Variants in LRRC3C observed in about 807,000 individuals in gnomAD.
LRRC3C encodes the protein leucine-rich repeat-containing protein 3C.
In LRRC3C, 11 loss-of-function variants were observed where a neutral mutation model predicts 14.8. The ratio of observed to expected loss-of-function variants is 0.74; its 90% confidence interval spans 0.47 to 1.23. The LOEUF is 1.23. Ranked by LOEUF, LRRC3C falls within the 50% of genes most tolerant of loss-of-function variation. The probability of loss-of-function intolerance (pLI) is 0.00; values close to 1 mark genes in which losing one functional copy is unlikely to be tolerated. For missense variants in LRRC3C, 354 were observed against 361.8 expected, an observed-to-expected ratio of 0.98 and a Z score of 0.18; for synonymous variants, 149 against 161.5, an observed-to-expected ratio of 0.92 and a Z score of 0.59.
At chr17:39,935,383 A>G (rs368912957) in intron 1 of LRRC3C, among the ~76,000 whole-genome samples, 10 of 151,196 alleles carry the variant, frequency 6.6e-5, no homozygotes, top group East Asian at 3.9e-4. Context: ...GGATCCCTCA[A>G]CCCAAGCCTT....
Position 39,944,236 on chromosome 17 carries a change from G to A in LRRC3C, c.330G>A (p.Leu110=). 2 of 1,535,580 alleles carry A rather than the reference G, an allele frequency of 1.3e-6. No individual in the cohort carries two copies. The highest frequency in any genetic ancestry group is 8.7e-7 in the Non-Finnish European group (1 of 1,146,646). Residue 110 remains leucine, a synonymous_variant, in exon 4 of 4, where the codon CTG becomes CTA. Coordinates refer to ENST00000377924, the MANE Select transcript of LRRC3C (RefSeq NM_001195545.2). ...TGCCTGTCCTGGAGGAGTTGGATCT[G>A]TCCCATAATGCCCTTGCCCACCTCT... The part of the protein sequence containing the change: ...QHLPVLEELD[L]SHNALAHLSG...
At chr17:39,941,618 C>A in intron 3 of LRRC3C, 69 bp downstream of exon 3, 2 of 1,403,402 alleles carry the variant, frequency 1.4e-6, no homozygotes, top group South Asian at 1.2e-5. Context: ...TCTGACCTGG[C>A]AGGAGGGCTT....
chr17:39,942,368 C>A (rs1406987113), intron 3 of LRRC3C, among the ~76,000 whole-genome samples: 4 of 152,146 alleles, frequency 2.6e-5, no homozygotes, highest in Non-Finnish European at 5.9e-5. Flanking sequence ...GCGTGGCCTG[C>A]AAATGATGCC....
At chr17:39,929,792 GA>G (rs1415630938) in intron 1 of LRRC3C, among the ~76,000 whole-genome samples, 1 of 152,068 alleles carries the variant, frequency 6.6e-6, no homozygotes, top group Admixed American at 6.6e-5. Context: ...AAATGCCCAA[GA>G]AAAAAATTAC....
chr17:39,944,485 G>A lies in LRRC3C; in HGVS notation c.579G>A (p.Pro193=), dbSNP rs190950285. The change falls in exon 4 of 4, where the codon CCG becomes CCA. Residue 193 remains proline (P), a synonymous_variant. Transcript: ENST00000377924. ...TCGTGTGTGGCTCAGGAGCCCGACCGGACCTCGTGGGGCAGGAGTTCCTGC... is the reference window on the plus strand; with the variant it reads ...TCGTGTGTGGCTCAGGAGCCCGACCAGACCTCGTGGGGCAGGAGTTCCTGC... ...TGIVCGSGAR[P]DLVGQEFLLL... is the part of the protein sequence containing the mutation. The A allele has an allele frequency of 1.7e-4, 249 of 1,487,562 alleles. 1 individual carries two copies. The East Asian group carries it at 3.3e-3, about 19-fold the overall frequency. The allele number at this position is 1,487,562 out of a possible 1,614,324, so 92.1% of individuals were successfully genotyped here.
chr17:39,942,868 G>A (rs1341086903), intron 3 of LRRC3C, among the ~76,000 whole-genome samples: 1 of 152,172 alleles, frequency 6.6e-6, no homozygotes, highest in Non-Finnish European at 1.5e-5. Context: ...GTGAGATGGG[G>A]CCCACCCAGT....
At chr17:39,934,186 T>C (rs1276213154) in intron 1 of LRRC3C, among the ~76,000 whole-genome samples, 2 of 152,198 alleles carry the variant, frequency 1.3e-5, no homozygotes, top group African/African-American at 4.8e-5. Flanking sequence ...AGCCTGTGCC[T>C]GGGAACAAGA....
rs112465826 is a variant in LRRC3C at position 39,933,985 on chromosome 17, G to A, written c.-174-1817G>A. Among the ~76,000 whole-genome samples, 830 of 152,368 alleles carry A rather than the reference G, an allele frequency of 5.4e-3. 11 individuals are homozygous for A. The highest frequency in any genetic ancestry group is 0.019 in the African/African-American group (803 of 41,592). The stretch of plus-strand genomic sequence containing the variant: ...AGGGGGAGGGGAAGGCAGATGTTAA[G>A]CAGACAAAGGAGCAGCGAATGACCC... On this transcript the variant is annotated intron_variant, in intron 1 of 3. Coordinates refer to ENST00000377924, the MANE Select transcript of LRRC3C (RefSeq NM_001195545.2).
At chr17:39,941,670 C>A in intron 3 of LRRC3C, 121 bp downstream of exon 3, 1 of 857,832 alleles carries the variant, frequency 1.2e-6, no homozygotes, top group South Asian at 1.5e-5. Context: ...CCATCAGGCT[C>A]AACGTGCAAG....
At chr17:39,934,658 C>A (rs1266562352) in intron 1 of LRRC3C, 3 of 152,176 alleles carry the variant, frequency 2.0e-5, no homozygotes, top group Admixed American at 2.0e-4. Context: ...GGAACTGTTA[C>A]CAGAAAGGGG....
At chr17:39,936,455 A>G (rs953844591) in intron 2 of LRRC3C, among the ~76,000 whole-genome samples, 1 of 152,078 alleles carries the variant, frequency 6.6e-6, no homozygotes, top group Non-Finnish European at 1.5e-5. Context: ...CCTGCCACCA[A>G]TACATCCCCG....
At position 39,935,821 on chromosome 17, in the gene LRRC3C, C is replaced by A; in HGVS notation, c.-155C>A. 5 of 985,416 alleles carry A rather than the reference C, an allele frequency of 5.1e-6. No homozygotes were observed. Among genetic ancestry groups the A allele is most frequent in the Non-Finnish European group, 6.0e-6 (5 of 829,932 alleles). The allele number at this position is 985,416 out of a possible 1,614,324, so 61.0% of individuals were successfully genotyped here. ...CTACAGGGAACAACAATAGCAGAGGCCTTTGTTGCCCTCTCCGCGAAACTG... is the reference window on the plus strand; with the variant it reads ...CTACAGGGAACAACAATAGCAGAGGACTTTGTTGCCCTCTCCGCGAAACTG... On this transcript the variant is annotated 5_prime_UTR_variant, in exon 2 of 4. Coordinates refer to ENST00000377924, the MANE Select transcript of LRRC3C (RefSeq NM_001195545.2).
At chr17:39,932,608 G>C (rs1978681030) in intron 1 of LRRC3C, among the ~76,000 whole-genome samples, 1 of 147,090 alleles carries the variant, frequency 6.8e-6, no homozygotes, top group African/African-American at 2.5e-5. Context: ...CGTAGTCCCA[G>C]CTACTCAGGA....
At chr17:39,938,807 G>A (rs1024930447) in intron 2 of LRRC3C, among the ~76,000 whole-genome samples, 1 of 152,108 alleles carries the variant, frequency 6.6e-6, no homozygotes, top group African/African-American at 2.4e-5. Context: ...CCAACATGGC[G>A]AAACCTCATC....
chr17:39,935,507 G>T (rs2144761840), intron 1 of LRRC3C, among the ~76,000 whole-genome samples: 1 of 152,268 alleles, frequency 6.6e-6, no homozygotes, highest in African/African-American at 2.4e-5. Flanking sequence ...ACAAAAGTTA[G>T]CTGGGTGTGG....
At chr17:39,931,433 G>C (rs1276027639) in intron 1 of LRRC3C, among the ~76,000 whole-genome samples, 1 of 115,302 alleles carries the variant, frequency 8.7e-6, no homozygotes, top group Non-Finnish European at 1.7e-5. Flanking sequence ...GTGACAGAGA[G>C]AGACTTCGTC....
At chr17:39,938,894 G>A (rs981254400) in intron 2 of LRRC3C, among the ~76,000 whole-genome samples, 13 of 152,024 alleles carry the variant, frequency 8.6e-5, no homozygotes, top group Admixed American at 3.3e-4. Context: ...GCTGAGGCAG[G>A]AGAATCACTT....
rs1767486480 is a variant in LRRC3C at position 39,944,475 on chromosome 17, G to A, written c.569G>A (p.Gly190Glu). The A allele has an allele frequency of 6.7e-7, 1 of 1,486,582 alleles. No individual in the cohort carries two copies. The highest frequency in any genetic ancestry group is 2.1e-5 in the Admixed American group (1 of 46,732). The allele number at this position is 1,486,582 out of a possible 1,614,324, so 92.1% of individuals were successfully genotyped here. A position where few individuals can be genotyped will look rare whatever the true frequency, so the allele number is the denominator to read the frequency against. The change falls in exon 4 of 4, where the codon GGA becomes GAA. Residue 190 changes from glycine (G) to glutamate (E), a missense_variant. Coordinates refer to ENST00000377924, the MANE Select transcript of LRRC3C (RefSeq NM_001195545.2). ...GTGTGIVCGSGARPDLVGQEF... is the reference protein window; with the variant it reads ...GTGTGIVCGSEARPDLVGQEF... Reference sequence around the variant, plus strand: ...GGGACAGGCATCGTGTGTGGCTCAGGAGCCCGACCGGACCTCGTGGGGCAG... The same window carrying A: ...GGGACAGGCATCGTGTGTGGCTCAGAAGCCCGACCGGACCTCGTGGGGCAG...
chr17:39,943,795 C>A (rs1340732685), intron 3 of LRRC3C, 138 bp from the exon 4 acceptor site: 9 of 746,350 alleles, frequency 1.2e-5, no homozygotes, highest in Non-Finnish European at 1.9e-5. Context: ...AAAAGTCACC[C>A]AGGCTTGAGA....
Sources: gnomAD v4.1 joint callset for allele counts (sites outside exome capture counted in the v4.1 genomes callset) on GRCh38, gnomAD v4.1.1 for gene constraint, MANE v1.5 for transcripts, NCBI Gene and HGNC (gene_info 2026-07-23, HGNC 2026-07-21) for gene names.